Variants in TRPC5 observed in about 807,000 individuals in gnomAD.
TRPC5 encodes the protein transient receptor potential cation channel subfamily C member 5.
Under a neutral mutation model 56.5 loss-of-function variants are expected in TRPC5, and 9 were observed. That is an observed-to-expected ratio of 0.16 (90% confidence interval 0.10 to 0.28). The LOEUF (loss-of-function observed/expected upper bound fraction) is 0.28, where lower values mean the gene tolerates loss of function less well. Ranked by LOEUF, TRPC5 falls within the 10% of genes least tolerant of loss-of-function variation. The probability of loss-of-function intolerance (pLI) is 1.00; values close to 1 mark genes in which losing one functional copy is unlikely to be tolerated. For missense variants in TRPC5, 469 were observed against 748.9 expected, an observed-to-expected ratio of 0.63 and a Z score of 4.36; for synonymous variants, 282 against 278.5, an observed-to-expected ratio of 1.01 and a Z score of -0.13.
chrX:111,779,590 A>G (rs973606118), intron 9 of TRPC5, among the ~76,000 whole-genome samples: 2 of 112,256 alleles, frequency 1.8e-5, no homozygotes, highest in Non-Finnish European at 3.8e-5. Flanking sequence ...CATGGTCACT[A>G]CAGTTTGTAT....
intron 1 of TRPC5, among the ~76,000 whole-genome samples, chrX:112,051,597 G>GAAA (rs1930214198): frequency 8.9e-6 from 1 of 112,237 alleles, no homozygotes; most frequent in African/African-American, 3.2e-5. Context: ...CTTGAAGCCA[G>GAAA]CTTTGCCAGA....
At chrX:111,879,563 C>A (rs1924108492) in intron 3 of TRPC5, among the ~76,000 whole-genome samples, 3 of 112,503 alleles carry the variant, frequency 2.7e-5, no homozygotes, top group Admixed American at 1.9e-4. Flanking sequence ...CTGCTAAATA[C>A]TCTTAAGACA....
chrX:111,893,452 T>G (rs1363402426), intron 3 of TRPC5, among the ~76,000 whole-genome samples: 4 of 111,798 alleles, frequency 3.6e-5, no homozygotes, highest in African/African-American at 1.3e-4. Flanking sequence ...AACAGTGTTT[T>G]GAGGAAACAC....
intron 2 of TRPC5, among the ~76,000 whole-genome samples, chrX:111,918,727 A>G (rs1926043949): frequency 9.0e-6 from 1 of 111,601 alleles, no homozygotes; most frequent in South Asian, 3.8e-4. Context: ...TTGAAGTGAA[A>G]AGACAGAGTA....
At chrX:112,078,711 C>T (rs2147751289) in intron 1 of TRPC5, among the ~76,000 whole-genome samples, 1 of 111,965 alleles carries the variant, frequency 8.9e-6, no homozygotes, top group Non-Finnish European at 1.9e-5. Context: ...TTTCTTAGCC[C>T]CTATCAGCTT....
At chrX:111,972,859 T>G (rs925070126) in intron 1 of TRPC5, among the ~76,000 whole-genome samples, 3 of 112,511 alleles carry the variant, frequency 2.7e-5, no homozygotes, top group African/African-American at 9.7e-5. Context: ...GGCTTCCTTT[T>G]CTTACATAAA....
intron 2 of TRPC5, among the ~76,000 whole-genome samples, chrX:111,951,026 C>T (rs141331990): frequency 6.3e-5 from 7 of 111,764 alleles, no homozygotes; most frequent in Admixed American, 2.9e-4. Flanking sequence ...GAGAATAATG[C>T]TATTTAGGGA....
chrX:111,826,570 G>A (rs1922244139), intron 7 of TRPC5, among the ~76,000 whole-genome samples: 1 of 112,674 alleles, frequency 8.9e-6, no homozygotes, highest in South Asian at 3.6e-4. Flanking sequence ...GGAAGAGACA[G>A]TTATTAAAAT....
chrX:111,844,861 G>C (rs1413291584), intron 6 of TRPC5, among the ~76,000 whole-genome samples: 1 of 111,129 alleles, frequency 9.0e-6, no homozygotes, highest in Admixed American at 9.6e-5. Flanking sequence ...CTTTCCACCA[G>C]ATACATAAAC....
chrX:111,938,810 T>G (rs946443625), intron 2 of TRPC5, among the ~76,000 whole-genome samples: 3 of 112,069 alleles, frequency 2.7e-5, no homozygotes, highest in African/African-American at 9.7e-5. Flanking sequence ...AAAATTCTCT[T>G]TTATAGTCTT....
intron 1 of TRPC5, among the ~76,000 whole-genome samples, chrX:111,958,323 C>A (rs1388608421): frequency 1.8e-5 from 2 of 111,733 alleles, no homozygotes; most frequent in Non-Finnish European, 3.8e-5. Context: ...GTAAGTTCTT[C>A]AAGAACTTAT....
chrX:111,869,864 CAT>C (rs2148592893), intron 3 of TRPC5, among the ~76,000 whole-genome samples: 1 of 111,613 alleles, frequency 9.0e-6, no homozygotes, highest in Admixed American at 9.5e-5. Flanking sequence ...AAGAAAGTGA[CAT>C]AGCATGTCAG....
At chrX:111,984,061 G>T (rs1928148384) in intron 1 of TRPC5, among the ~76,000 whole-genome samples, 1 of 111,528 alleles carries the variant, frequency 9.0e-6, no homozygotes, top group African/African-American at 3.3e-5. Flanking sequence ...ATGATGTGCA[G>T]CTCAGGTTGC....
intron 1 of TRPC5, among the ~76,000 whole-genome samples, chrX:111,987,954 A>G (rs1315421775): frequency 8.9e-6 from 1 of 112,813 alleles, no homozygotes; most frequent in Non-Finnish European, 1.9e-5. Flanking sequence ...CCTTATGGAA[A>G]CACATAGAAT....
chrX:111,789,804 G>A (rs976151963), intron 7 of TRPC5, among the ~76,000 whole-genome samples: 1 of 112,670 alleles, frequency 8.9e-6, no homozygotes, highest in East Asian at 2.8e-4. Context: ...AGACACATGA[G>A]AAAATGCTCA....
At chrX:111,810,757 T>G (rs1201528613) in intron 7 of TRPC5, among the ~76,000 whole-genome samples, 2 of 111,898 alleles carry the variant, frequency 1.8e-5, no homozygotes, top group African/African-American at 6.5e-5. Flanking sequence ...AAGGCATTTT[T>G]AATAAAAGTG....
intron 1 of TRPC5, among the ~76,000 whole-genome samples, chrX:112,024,064 G>A (rs1929354819): frequency 9.0e-6 from 1 of 111,564 alleles, no homozygotes; most frequent in Non-Finnish European, 1.9e-5. Context: ...GAACCTGCCT[G>A]CTTGGAGATG....
chrX:111,939,375 C>T (rs1272961068), intron 2 of TRPC5, among the ~76,000 whole-genome samples: 2 of 110,892 alleles, frequency 1.8e-5, no homozygotes, highest in Admixed American at 9.6e-5. Flanking sequence ...TTTGATGGCT[C>T]TTTATCTGGC....
At position 111,770,032 on chromosome X, in the gene TRPC5, A is replaced by G. The variant is rs1389166671; in HGVS notation, c.*6281T>C. Among the ~76,000 whole-genome samples the G allele has an allele frequency of 1.8e-5, 2 of 111,555 alleles. No homozygotes were observed. The highest frequency in any genetic ancestry group is 3.3e-5 in the African/African-American group (1 of 30,730). On this transcript the variant is annotated 3_prime_UTR_variant, in exon 11 of 11. Coordinates refer to ENST00000262839, the MANE Select transcript of TRPC5 (RefSeq NM_012471.3). ...ATGGGTATGGCTTTTTAAGGTGACT[A>G]CTTTAAAGGACCACGTTCATTTGGG...
Sources: allele counts gnomAD v4.1 joint callset (sites outside exome capture counted in the v4.1 genomes callset), GRCh38; gene constraint gnomAD v4.1.1; transcripts MANE v1.5; gene names NCBI Gene and HGNC (gene_info 2026-07-23, HGNC 2026-07-21).